ADAMTS20: variants seen among roughly 807,000 people sequenced by gnomAD.
ADAMTS20 encodes ADAM metallopeptidase with thrombospondin type 1 motif 20, also known as A disintegrin and metalloproteinase with thrombospondin motifs 20.
ADAMTS20 carries 225 observed loss-of-function variants against 260.1 expected under a neutral mutation model. The observed-to-expected ratio is 0.87, with a 90% confidence interval of 0.78 to 0.97. ADAMTS20 has a LOEUF of 0.97. Ranked by LOEUF, ADAMTS20 falls within the 50% of genes least tolerant of loss-of-function variation. The pLI is 0.00. For missense variants in ADAMTS20, 2,400 were observed against 2,337.7 expected (o/e 1.03, Z -0.55); for synonymous variants, 802 against 769.5 (o/e 1.04, Z -0.70).
chr12:43,522,855 C>T (rs74084011), intron 3 of ADAMTS20, among the ~76,000 whole-genome samples: 14,332 of 152,138 alleles, frequency 0.094, 810 homozygotes, highest in Middle Eastern at 0.12. Flanking sequence ...GTTTACCAAA[C>T]GTAAGTTGGA....
intron 31 of ADAMTS20, 93 bp from the exon 32 acceptor site, chr12:43,377,655 A>C (rs993591093): frequency 1.0e-6 from 1 of 988,334 alleles, no homozygotes; most frequent in Non-Finnish European, 1.4e-6. Context: ...ATGCTGTGTC[A>C]TTTCCACAAC....
chr12:43,378,312 C>T (rs1940274518), intron 31 of ADAMTS20, among the ~76,000 whole-genome samples: 3 of 152,172 alleles, frequency 2.0e-5, no homozygotes. Context: ...GAGCTCTGAC[C>T]AGCAGTGTGT....
At chr12:43,416,327 G>C (rs1324691540) in intron 28 of ADAMTS20, among the ~76,000 whole-genome samples, 1 of 149,384 alleles carries the variant, frequency 6.7e-6, no homozygotes, top group African/African-American at 2.5e-5. Flanking sequence ...ATCTTCTCAA[G>C]ACACAGTTTT....
chr12:43,525,368 T>A (rs1943127483), intron 3 of ADAMTS20, among the ~76,000 whole-genome samples: 1 of 152,148 alleles, frequency 6.6e-6, no homozygotes, highest in Non-Finnish European at 1.5e-5. Flanking sequence ...CTATAAGAAA[T>A]GCTGAAAGGA....
intron 3 of ADAMTS20, among the ~76,000 whole-genome samples, chr12:43,521,137 T>G (rs1397921883): frequency 1.3e-5 from 2 of 152,350 alleles, no homozygotes; most frequent in Non-Finnish European, 2.9e-5. Context: ...ACTCGTAAGC[T>G]TGCCAATTAG....
intron 29 of ADAMTS20, among the ~76,000 whole-genome samples, chr12:43,391,094 G>A (rs373546232): frequency 5.9e-5 from 9 of 152,258 alleles, no homozygotes; most frequent in African/African-American, 1.7e-4. Context: ...AGGTGCTGGC[G>A]GTGTCAGTGT....
chr12:43,356,929 G>A (rs993969668), intron 37 of ADAMTS20, among the ~76,000 whole-genome samples: 1 of 151,930 alleles, frequency 6.6e-6, no homozygotes, highest in Non-Finnish European at 1.5e-5. Context: ...CATTCCTTTT[G>A]TGGTAAGAAT....
chr12:43,539,233 G>A (rs1049425314), intron 2 of ADAMTS20, among the ~76,000 whole-genome samples: 1 of 152,110 alleles, frequency 6.6e-6, no homozygotes, highest in South Asian at 2.1e-4. Context: ...TTACAGGTGT[G>A]AGCCACCACG....
chr12:43,371,351 C>T (rs1240810050), intron 36 of ADAMTS20, among the ~76,000 whole-genome samples: 1 of 152,102 alleles, frequency 6.6e-6, no homozygotes, highest in Non-Finnish European at 1.5e-5. Flanking sequence ...TACTTATTTA[C>T]AATATATTTT....
At chr12:43,545,113 C>A (rs924871426) in intron 2 of ADAMTS20, among the ~76,000 whole-genome samples, 24 of 152,198 alleles carry the variant, frequency 1.6e-4, no homozygotes, top group African/African-American at 5.8e-4. Context: ...TAGGTACCCA[C>A]TCTTCTCCTT....
intron 29 of ADAMTS20, 63 bp downstream of exon 29, chr12:43,399,003 G>A: frequency 9.2e-7 from 1 of 1,091,046 alleles, no homozygotes; most frequent in Non-Finnish European, 1.2e-6. Context: ...TGAAAAATAA[G>A]AATGAATTTT....
intron 28 of ADAMTS20, among the ~76,000 whole-genome samples, chr12:43,425,158 C>T (rs1694559862): frequency 6.6e-6 from 1 of 152,088 alleles, no homozygotes; most frequent in Admixed American, 6.6e-5. Context: ...AATACAGGAA[C>T]AGAAAGCCAA....
intron 37 of ADAMTS20, among the ~76,000 whole-genome samples, chr12:43,360,201 C>A (rs1474328799): frequency 1.3e-5 from 2 of 152,186 alleles, no homozygotes; most frequent in African/African-American, 4.8e-5. Context: ...GTAATCCCTG[C>A]ACTTTGGGAG....
intron 28 of ADAMTS20, among the ~76,000 whole-genome samples, chr12:43,405,811 A>AT: frequency 6.6e-6 from 1 of 152,304 alleles, no homozygotes; most frequent in South Asian, 2.1e-4. Context: ...TTTTTACTTT[A>AT]TTACTAGATA....
chr12:43,377,535 T>C lies in ADAMTS20; in HGVS notation c.4825A>G (p.Arg1609Gly). The change falls in exon 32 of 39, where the codon AGA (arginine) becomes GGA (glycine). Residue 1609 changes from arginine (R) to glycine (G), a missense_variant. Physicochemically the swap from Arg to Gly is moderately radical, Grantham distance 125. Coordinates refer to ENST00000389420, the MANE Select transcript of ADAMTS20 (RefSeq NM_025003.5). Reference sequence around the variant, plus strand: ...TCGGTGCAATATGTAATCCTTTGTCTGTAACTAAATCCACAGTTGTTTGCA... The same window carrying C: ...TCGGTGCAATATGTAATCCTTTGTCCGTAACTAAATCCACAGTTGTTTGCA... ...QCANNCGFSYRQRITYCTEIP... is the reference protein window; with the variant it reads ...QCANNCGFSYGQRITYCTEIP... The C allele has an allele frequency of 1.2e-6, 2 of 1,612,776 alleles. No individual in the cohort carries two copies. Among genetic ancestry groups the C allele is most frequent in the Non-Finnish European group, 1.7e-6 (2 of 1,179,200 alleles).
At position 43,475,569 on chromosome 12, in the gene ADAMTS20, C is replaced by T. The variant is rs1282229557; in HGVS notation, c.1118-6864G>A. 3.3e-5 allele frequency among the ~76,000 whole-genome samples: 5 copies of T among 152,132 alleles called. No individual in the cohort carries two copies. The East Asian group carries it at 9.6e-4, about 29-fold the overall frequency. On this transcript the variant is annotated intron_variant, in intron 7 of 38. Coordinates refer to ENST00000389420, the MANE Select transcript of ADAMTS20 (RefSeq NM_025003.5). ...GCCAAAAGAACAAAGCTGGAGGCAT[C>T]ATCACACTACCTGACTTCAAACCAT...
chr12:43,466,529 A>C (rs1942155236), intron 9 of ADAMTS20, 123 bp downstream of exon 9: 1 of 798,758 alleles, frequency 1.3e-6, no homozygotes, highest in South Asian at 1.7e-5. Flanking sequence ...CCATTTGTAC[A>C]GTGAAAGTAA....
chr12:43,509,313 T>A (rs1300999443), intron 3 of ADAMTS20, among the ~76,000 whole-genome samples: 1 of 152,040 alleles, frequency 6.6e-6, no homozygotes, highest in Non-Finnish European at 1.5e-5. Context: ...AACAACAAAT[T>A]TTGGTTGTTG....
intron 11 of ADAMTS20, among the ~76,000 whole-genome samples, chr12:43,458,856 G>A (rs911172637): frequency 6.6e-6 from 1 of 152,160 alleles, no homozygotes. Context: ...AGCTGGGAAG[G>A]TAACTGCATC....
Sources: allele counts gnomAD v4.1 joint callset (sites outside exome capture counted in the v4.1 genomes callset), GRCh38; gene constraint gnomAD v4.1.1; transcripts MANE v1.5; gene names NCBI Gene and HGNC (gene_info 2026-07-23, HGNC 2026-07-21).